Variants in CEP68 observed in about 807,000 individuals in gnomAD.
CEP68 encodes the protein centrosomal protein 68, also known as centrosomal protein of 68 kDa.
In CEP68, 26 loss-of-function variants were observed where a neutral mutation model predicts 55.3. The observed-to-expected ratio is 0.47, with a 90% CI of 0.34 to 0.65. The LOEUF (loss-of-function observed/expected upper bound fraction) is 0.65. Among genes scored for constraint, CEP68 ranks in the 30% least tolerant of loss-of-function variants. The pLI, the probability that CEP68 is intolerant of heterozygous loss-of-function variation, is 0.01. For synonymous variants in CEP68, 402 were observed against 383.2 expected, an observed-to-expected ratio of 1.05 and a Z score of -0.57; for missense variants, 957 against 946.7, an observed-to-expected ratio of 1.01 and a Z score of -0.14.
chr2:65,066,745 A>ATATATAT (rs1553384178), intron 1 of CEP68, among the ~76,000 whole-genome samples: 5 of 58,406 alleles, frequency 8.6e-5, no homozygotes, highest in Admixed American at 1.9e-4. Flanking sequence ...AAAAAAAAAA[A>ATATATAT]ATATATATAT....
intron 5 of CEP68, among the ~76,000 whole-genome samples, chr2:65,079,066 A>G (rs1224590858): frequency 6.6e-6 from 1 of 152,194 alleles, no homozygotes; most frequent in Non-Finnish European, 1.5e-5. Flanking sequence ...AAGACTGTAA[A>G]TCAAGTGCTG....
chr2:65,066,468 G>A (rs1454850828), intron 1 of CEP68, among the ~76,000 whole-genome samples: 1 of 149,726 alleles, frequency 6.7e-6, no homozygotes. Flanking sequence ...GGTGGCTCAC[G>A]CCTGTAATCC....
chr2:65,077,433 G>T (rs1229722817), intron 4 of CEP68, among the ~76,000 whole-genome samples: 1 of 152,226 alleles, frequency 6.6e-6, no homozygotes, highest in Non-Finnish European at 1.5e-5. Flanking sequence ...TCTGCACAGA[G>T]CAAAGACATG....
chr2:65,057,445 CCACTTAGAAAACAA>C (rs1423763357), intron 1 of CEP68, among the ~76,000 whole-genome samples: 1 of 152,146 alleles, frequency 6.6e-6, no homozygotes, highest in Non-Finnish European at 1.5e-5. Flanking sequence ...CAATTCTGGC[CCACTTAGAAAACAA>C]CAACAACAAA....
intron 4 of CEP68, 156 bp downstream of exon 4, chr2:65,074,560 G>A (rs766809305): frequency 5.6e-6 from 6 of 1,078,362 alleles, no homozygotes; most frequent in South Asian, 2.6e-5. Context: ...TTCTTAAAGC[G>A]GAACGCTTTG....
Position 65,078,302 on chromosome 2 carries a change from G to A in CEP68, c.2104+338G>A, listed in dbSNP as rs533696570. 2.0e-3 allele frequency among the ~76,000 whole-genome samples: 308 copies of A among 152,282 alleles called. 1 individual carries two copies. The highest frequency in any genetic ancestry group is 7.0e-3 in the African/African-American group (289 of 41,558). On this transcript the variant is annotated intron_variant, in intron 5 of 6. Transcript: ENST00000377990. ...TATTAATCCACCATCCTTAGTTTGT[G>A]GCTAGGGTATTTAGTGGGTATCCCT...
Position 65,072,587 on chromosome 2 carries a change from G to A in CEP68, c.1491G>A (p.Ser497=), listed in dbSNP as rs373167471. 3.4e-5 allele frequency: 55 copies of A among 1,613,962 alleles called. No individual in the cohort carries two copies. The South Asian group carries it at 5.6e-4, about 16-fold the overall frequency. Residue 497 remains serine (S), a synonymous_variant, in exon 3 of 7, where the codon TCG becomes TCA. Transcript: ENST00000377990. ...TGACACAGGTTTCTAGCCTGGTTTC[G>A]TATCTAGGATCCATTTCTACCTTGG... The part of the protein sequence containing the change: ...ARLTQVSSLV[S]YLGSISTLVT...
Position 65,082,604 on chromosome 2 carries a change from T to C in CEP68, c.2173T>C (p.Tyr725His), listed in dbSNP as rs1296208134. ...GCTGGAGAGCCACGCAGATCGCCTG[T>C]ATGACTCTATCTTGGCCTCTCTGGA... is the stretch of plus-strand genomic sequence containing the variant. ...GELESHADRL[Y>H]DSILASLDML... Residue 725 changes from tyrosine to histidine, a missense_variant, in exon 6 of 7, where the codon TAT (tyrosine) becomes CAT (histidine). By Grantham distance (83) the Tyr-to-His change is moderately conservative. Coordinates refer to ENST00000377990, the MANE Select transcript of CEP68 (RefSeq NM_015147.3). The C allele has an allele frequency of 6.2e-7, 1 of 1,611,196 alleles. No individual in the cohort carries two copies. The highest frequency in any genetic ancestry group is 1.1e-5 in the South Asian group (1 of 90,818).
intron 5 of CEP68, among the ~76,000 whole-genome samples, chr2:65,079,493 G>A (rs149975180): frequency 6.6e-6 from 1 of 152,208 alleles, no homozygotes; most frequent in South Asian, 2.1e-4. Flanking sequence ...TGATTCTCTA[G>A]TGTGAATTAT....
At chr2:65,056,864 G>A (rs1466654974) in intron 1 of CEP68, among the ~76,000 whole-genome samples, 1 of 152,168 alleles carries the variant, frequency 6.6e-6, no homozygotes, top group Admixed American at 6.5e-5. Context: ...TCTGGCGGCC[G>A]AGCAGCTGCG....
chr2:65,067,939 G>A (rs184841633), intron 1 of CEP68, among the ~76,000 whole-genome samples: 81 of 152,220 alleles, frequency 5.3e-4, no homozygotes, highest in East Asian at 9.7e-4. Context: ...AGTGCAAGGC[G>A]TCCTCAGTGT....
At chr2:65,068,720 A>C (rs1274417499) in intron 1 of CEP68, among the ~76,000 whole-genome samples, 1 of 152,116 alleles carries the variant, frequency 6.6e-6, no homozygotes, top group Non-Finnish European at 1.5e-5. Flanking sequence ...CCAGCTACTC[A>C]GGAGGCTGAG....
chr2:65,080,709 T>A, intron 5 of CEP68: 1 of 216,206 alleles, frequency 4.6e-6, no homozygotes, highest in Non-Finnish European at 7.9e-6. Flanking sequence ...TCCCAGCTAC[T>A]CAGGAGGCTG....
intron 1 of CEP68, 33 bp from the exon 2 acceptor site, chr2:65,069,366 T>A: frequency 1.8e-6 from 2 of 1,103,124 alleles, no homozygotes; most frequent in Non-Finnish European, 2.6e-6. Flanking sequence ...TGTAGAAGAT[T>A]TATATTTTTC....
rs869096839 is a variant in CEP68, at chr2:65,066,726, C to CAA, written c.-46-2654_-46-2653dup. Among the ~76,000 whole-genome samples the CAA allele has an allele frequency of 9.4e-3, 407 of 43,142 alleles. 17 individuals carry two copies. The highest frequency in any genetic ancestry group is 0.011 in the Non-Finnish European group (254 of 23,740). The allele number at this position is 43,142 out of a possible 152,430, so 28.3% of individuals were successfully genotyped here. On this transcript the variant is annotated intron_variant, in intron 1 of 6. Transcript: ENST00000377990. Reference sequence around the variant, plus strand: ...TGGAAGACAGAGTGAGACTCTGTCTCAAAAAAAAAAAAAAAAAAAATATAT... The same window carrying CAA: ...TGGAAGACAGAGTGAGACTCTGTCTCAAAAAAAAAAAAAAAAAAAAAATATAT...
Position 65,069,821 on chromosome 2 carries a change from T to C in CEP68, c.357+20T>C. The C allele has an allele frequency of 2.5e-6, 4 of 1,590,876 alleles. No individual in the cohort carries two copies. Among genetic ancestry groups the C allele is most frequent in the Non-Finnish European group, 3.4e-6 (4 of 1,159,746 alleles). On this transcript the variant is annotated intron_variant, in intron 2 of 6. Coordinates refer to ENST00000377990, the MANE Select transcript of CEP68 (RefSeq NM_015147.3). ...AGCCAGGTAGGTACTAAGGCAAGACTGTAGATGGACCCATTGCTGTCCTTT... is the reference window on the plus strand; with the variant it reads ...AGCCAGGTAGGTACTAAGGCAAGACCGTAGATGGACCCATTGCTGTCCTTT...
chr2:65,061,171 CAAATT>C (rs2103745028), intron 1 of CEP68, among the ~76,000 whole-genome samples: 1 of 151,790 alleles, frequency 6.6e-6, no homozygotes, highest in African/African-American at 2.4e-5. Context: ...GACTCCATCT[CAAATT>C]AAAAAAAAGA....
In CEP68 at chr2:65,069,747, C is replaced by T; in HGVS notation, c.303C>T (p.Gly101=). The T allele has an allele frequency of 6.2e-7, 1 of 1,614,090 alleles. No individual in the cohort carries two copies. The highest frequency in any genetic ancestry group is 8.5e-7 in the Non-Finnish European group (1 of 1,180,032). The change falls in exon 2 of 7, where the codon GGC becomes GGT. Residue 101 remains glycine (G), a synonymous_variant. Transcript: ENST00000377990. The stretch of plus-strand genomic sequence containing the variant: ...AGAGGTCTGAGCCTGCACTCAGTGG[C>T]CTGCCTCCTGCCACCATGGGGTCTG... ...VAERSEPALS[G]LPPATMGSGD... is the part of the protein sequence containing the mutation.
At chr2:65,070,855 G>T (rs1378871227) in intron 2 of CEP68, 1 of 153,762 alleles carries the variant, frequency 6.5e-6, no homozygotes, top group African/African-American at 2.4e-5. Flanking sequence ...CATACATCTG[G>T]AAGGTGGCAA....
Sources: allele counts gnomAD v4.1 joint callset (sites outside exome capture counted in the v4.1 genomes callset), GRCh38; gene constraint gnomAD v4.1.1; transcripts MANE v1.5; gene names NCBI Gene and HGNC (gene_info 2026-07-23, HGNC 2026-07-21).